ZNF680: variants seen among roughly 807,000 people sequenced by gnomAD.
ZNF680 encodes the protein hypothetical protein FLJ90430.
ZNF680 carries 6 observed loss-of-function variants against 12.1 expected under a neutral mutation model. The observed-to-expected ratio is 0.49, with a 90% CI of 0.27 to 0.98. The LOEUF (loss-of-function observed/expected upper bound fraction) is 0.98. ZNF680 is among the 50% of genes least tolerant of loss of function. The probability of loss-of-function intolerance (pLI) is 0.12; values close to 1 mark genes in which losing one functional copy is unlikely to be tolerated. For synonymous variants in ZNF680, 170 were observed against 199.3 expected (o/e 0.85, Z 1.24); for missense variants, 561 against 616.3 (o/e 0.91, Z 0.95).
chr7:64,523,563 T>G, intron 3 of ZNF680, among the ~76,000 whole-genome samples: 1 of 152,136 alleles, frequency 6.6e-6, no homozygotes, highest in East Asian at 1.9e-4. Context: ...ATGTAAAATA[T>G]ATATGTAAAA....
At chr7:64,527,644 G>A (rs1791938065) in intron 3 of ZNF680, among the ~76,000 whole-genome samples, 2 of 151,882 alleles carry the variant, frequency 1.3e-5, no homozygotes, top group African/African-American at 2.4e-5. Context: ...GTGGTGAGCC[G>A]AGATGGCGCC....
intron 3 of ZNF680, among the ~76,000 whole-genome samples, chr7:64,540,601 C>T (rs1198552882): frequency 6.6e-6 from 1 of 152,174 alleles, no homozygotes; most frequent in Non-Finnish European, 1.5e-5. Flanking sequence ...CTGAGCCCGG[C>T]TGATTTATCT....
chr7:64,532,162 G>A (rs1029276104), intron 3 of ZNF680, among the ~76,000 whole-genome samples: 12 of 151,822 alleles, frequency 7.9e-5, no homozygotes, highest in Admixed American at 2.0e-4. Flanking sequence ...AAAATTAGCC[G>A]GGCATGGTGG....
chr7:64,526,217 G>A, intron 3 of ZNF680: 1 of 1,023,158 alleles, frequency 9.8e-7, no homozygotes. Flanking sequence ...GTAATGTAGA[G>A]GTTACTTGTA....
At chr7:64,558,494 C>G (rs1787543433) in intron 1 of ZNF680, among the ~76,000 whole-genome samples, 1 of 152,100 alleles carries the variant, frequency 6.6e-6, no homozygotes, top group Admixed American at 6.6e-5. Flanking sequence ...TAGGGAGCCT[C>G]CCCTGCAGAT....
At chr7:64,522,525 T>C (rs201726893) in intron 3 of ZNF680, 25 bp from the exon 4 acceptor site, 151 of 1,397,620 alleles carry the variant, frequency 1.1e-4, no homozygotes, top group Admixed American at 3.4e-4. Flanking sequence ...AGTAACAAAT[T>C]ACACCACTTC....
chr7:64,513,935 C>T, the ZNF680 span, among the ~76,000 whole-genome samples: 3 of 152,248 alleles, frequency 2.0e-5, no homozygotes, highest in African/African-American at 4.8e-5. Context: ...TGAGCCACCA[C>T]ACCTGGCCAA....
intron 3 of ZNF680, among the ~76,000 whole-genome samples, chr7:64,543,436 G>T (rs557788987): frequency 9.9e-5 from 15 of 152,184 alleles, no homozygotes; most frequent in Non-Finnish European, 2.2e-4. Flanking sequence ...ACATCAGTCA[G>T]ATTGTGCAGT....
At position 64,522,233 on chromosome 7, in the gene ZNF680, TTCTTA is replaced by T. The variant is rs1283100127; in HGVS notation, c.516_520del (p.His172GlnfsTer12). ...GAAAACCTTCTTTCCAGTATTTCTT[TTCTTA>T]TGACTGTTTGAATTTGAAAATTTAT... On this transcript the variant is annotated frameshift_variant, in exon 4 of 4. Coordinates refer to ENST00000309683, the MANE Select transcript of ZNF680 (RefSeq NM_178558.5). LOFTEE classifies it low-confidence loss of function (END_TRUNC). 1.2e-6 allele frequency: 2 copies of T among 1,612,118 alleles called. No homozygotes were observed. Among genetic ancestry groups the T allele is most frequent in the Non-Finnish European group, 1.7e-6 (2 of 1,179,058 alleles).
At chr7:64,526,460 G>T in intron 3 of ZNF680, 1 of 1,388,992 alleles carries the variant, frequency 7.2e-7, no homozygotes. Flanking sequence ...GGAGGCCAAG[G>T]CAGTAAGATA....
chr7:64,521,149 T>C lies in ZNF680; in HGVS notation c.*12A>G, dbSNP rs200720651. ...TCTCAACAGGATGGTGTCTTTTATG[T>C]TTAGAAAAGTTTTAGGTGTTATCAA... On this transcript the variant is annotated 3_prime_UTR_variant, in exon 4 of 4. Transcript: ENST00000309683. The C allele has an allele frequency of 3.1e-6, 5 of 1,589,992 alleles. No individual in the cohort carries two copies. In the African/African-American group the frequency reaches 5.4e-5, roughly 17 times the overall value.
the ZNF680 span, chr7:64,501,024 T>C: frequency 5.7e-6 from 4 of 707,528 alleles, no homozygotes; most frequent in South Asian, 4.5e-5. Flanking sequence ...CCGGCTGCTG[T>C]AGAAGAGAGA....
At chr7:64,557,888 G>T (rs1787510813) in intron 1 of ZNF680, among the ~76,000 whole-genome samples, 1 of 152,106 alleles carries the variant, frequency 6.6e-6, no homozygotes, top group Non-Finnish European at 1.5e-5. Context: ...GAAAGGACTA[G>T]AAAAAAATAC....
At chr7:64,544,141 C>G in intron 2 of ZNF680, 165 bp downstream of exon 2, 1 of 998,720 alleles carries the variant, frequency 1.0e-6, no homozygotes, top group African/African-American at 1.6e-5. Flanking sequence ...CAAGATGAAA[C>G]GTACTGAAGG....
chr7:64,551,816 T>C (rs1787095233), intron 1 of ZNF680: 1 of 152,412 alleles, frequency 6.6e-6, no homozygotes, highest in African/African-American at 2.4e-5. Context: ...TAAATGTATC[T>C]TGAGAAAAAA....
the ZNF680 span, among the ~76,000 whole-genome samples, chr7:64,510,462 T>A: frequency 0.67 from 100,991 of 150,628 alleles, 34,706 homozygotes; most frequent in African/African-American, 0.84. Flanking sequence ...TAAAAAAAAA[T>A]TAGTTGCAAA....
downstream of ZNF680, among the ~76,000 whole-genome samples, chr7:64,517,627 GA>G (rs1374101235): frequency 6.6e-6 from 1 of 151,530 alleles, no homozygotes; most frequent in Non-Finnish European, 1.5e-5. Flanking sequence ...ACCAAAACCA[GA>G]AAAGGACATA....
At position 64,521,381 on chromosome 7, in the gene ZNF680, C is replaced by G; in HGVS notation, c.1373G>C (p.Gly458Ala). The G allele has an allele frequency of 6.2e-7, 1 of 1,613,536 alleles. No individual in the cohort carries two copies. Among genetic ancestry groups the G allele is most frequent in the South Asian group, 1.1e-5 (1 of 91,036 alleles). The stretch of plus-strand genomic sequence containing the variant: ...TTCATCACATTTGTAGGATTTCTCT[C>G]CAGTATGAATTACTTTATGGTTAGT... ...TLTNHKVIHT[G>A]EKSYKCDECG... The change falls in exon 4 of 4, where the codon GGA (glycine) becomes GCA (alanine). Residue 458 changes from glycine to alanine, a missense_variant. Transcript: ENST00000309683.
At chr7:64,536,266 T>C (rs981323478) in intron 3 of ZNF680, among the ~76,000 whole-genome samples, 3 of 152,136 alleles carry the variant, frequency 2.0e-5, no homozygotes, top group Non-Finnish European at 4.4e-5. Flanking sequence ...ATTTTGCATA[T>C]AGAGGAATAG....
Sources: gnomAD v4.1 joint callset for allele counts (sites outside exome capture counted in the v4.1 genomes callset) on GRCh38, gnomAD v4.1.1 for gene constraint, MANE v1.5 for transcripts, NCBI Gene and HGNC (gene_info 2026-07-23, HGNC 2026-07-21) for gene names.